Variants in CROCC2 observed in about 807,000 individuals in gnomAD.
CROCC2 encodes ciliary rootlet coiled-coil protein 2.
In CROCC2, 163 loss-of-function variants were observed where a neutral mutation model predicts 177.6. The ratio of observed to expected loss-of-function variants is 0.92; its 90% CI spans 0.81 to 1.05. The LOEUF is 1.05. CROCC2 is among the 50% of genes least tolerant of loss of function. The probability of loss-of-function intolerance (pLI) is 0.00; values close to 1 mark genes in which losing one functional copy is unlikely to be tolerated. For synonymous variants in CROCC2, 904 were observed against 787.3 expected (o/e 1.15, Z -2.48); for missense variants, 1,929 against 1,797.8 (o/e 1.07, Z -1.32).
rs920654176 is a variant in CROCC2, at chr2:240,917,143, G to A, written c.79-1583G>A. The stretch of plus-strand genomic sequence containing the variant: ...CTGAGAGACAGACCCTGGTGCACGG[G>A]CTGTCGGGAGGACGGGCGGGCTGGC... On this transcript the variant is annotated intron_variant, in intron 1 of 31. Coordinates refer to ENST00000690015, the MANE Select transcript of CROCC2 (RefSeq NM_001351305.2). The surrounding 1 kb of genome is among the most constrained non-coding windows in gnomAD (Gnocchi z 4.9). Among the ~76,000 whole-genome samples, 1 of 152,196 alleles carries A rather than the reference G, an allele frequency of 6.6e-6. No individual in the cohort carries two copies. The highest frequency in any genetic ancestry group is 1.5e-5 in the Non-Finnish European group (1 of 68,030).
At chr2:240,971,917 T>G (rs971136524) in intron 27 of CROCC2, among the ~76,000 whole-genome samples, 6 of 152,276 alleles carry the variant, frequency 3.9e-5, no homozygotes. Flanking sequence ...CTGCTGCTCC[T>G]GTCCCCACGG....
At chr2:240,941,419 A>G (rs2059493912) in intron 14 of CROCC2, among the ~76,000 whole-genome samples, 1 of 152,220 alleles carries the variant, frequency 6.6e-6, no homozygotes, top group East Asian at 1.9e-4. Context: ...ACATTACCCA[A>G]CTTCAAACTA....
rs555382429 is a variant in CROCC2 at position 240,941,222 on chromosome 2, C to T, written c.2170-4838C>T. ...TGGAAACACATCCTATGCTCATGGA[C>T]GAGTAGAATCAATATTGTGGAAATG... On this transcript the variant is annotated intron_variant, in intron 14 of 31. Coordinates refer to ENST00000690015, the MANE Select transcript of CROCC2 (RefSeq NM_001351305.2). Among the ~76,000 whole-genome samples, 196 of 152,136 alleles carry T rather than the reference C, an allele frequency of 1.3e-3. 1 individual carries two copies. The highest frequency in any genetic ancestry group is 4.4e-3 in the African/African-American group (182 of 41,524).
At chr2:240,961,723 C>T (rs935924425) in intron 20 of CROCC2, among the ~76,000 whole-genome samples, 6 of 147,396 alleles carry the variant, frequency 4.1e-5, no homozygotes, top group Non-Finnish European at 5.9e-5. Flanking sequence ...TGCACACACA[C>T]GTATGCACAC....
chr2:240,930,982 C>T lies in CROCC2; in HGVS notation c.801C>T (p.His267=), dbSNP rs1396137839. 9 of 715,668 alleles carry T rather than the reference C, an allele frequency of 1.3e-5. No individual in the cohort carries two copies. The highest frequency in any genetic ancestry group is 7.4e-5 in the South Asian group (5 of 67,556). The allele number at this position is 715,668 out of a possible 1,614,324, so 44.3% of individuals were successfully genotyped here. The change falls in exon 7 of 32, where the codon CAC becomes CAT. Residue 267 remains histidine, a synonymous_variant. Transcript: ENST00000690015. ...ADTARTARRL[H]TACLNLDSNL... ...CGGCCAGGACAGCCCGCCGCCTGCA[C>T]ACCGCCTGCCTGAACCTCGACTCCA...
At chr2:240,911,352 A>G (rs896291718) in intron 1 of CROCC2, among the ~76,000 whole-genome samples, 6 of 138,596 alleles carry the variant, frequency 4.3e-5, no homozygotes, top group Non-Finnish European at 7.6e-5. Flanking sequence ...GCTGGAGTGC[A>G]GTGGTGCGAT....
At chr2:240,991,659 GGGCATCCTCCCAGCCTGCCCCCGCCT>G (rs1483951048) in intron 31 of CROCC2, among the ~76,000 whole-genome samples, 4 of 152,112 alleles carry the variant, frequency 2.6e-5, no homozygotes, top group Admixed American at 6.6e-5. Context: ...GCAGGGGCTT[GGGCATCCTCCCAGCCTGCCCCCGCCT>G]GGCACCCTCC....
chr2:240,971,605 G>A (rs920277490), intron 27 of CROCC2, among the ~76,000 whole-genome samples: 4 of 152,126 alleles, frequency 2.6e-5, no homozygotes, highest in Non-Finnish European at 4.4e-5. Flanking sequence ...TCACCAAAAT[G>A]TGGGCGTGTC....
chr2:240,952,903 C>T (rs1054168468), intron 18 of CROCC2, among the ~76,000 whole-genome samples: 2 of 152,012 alleles, frequency 1.3e-5, no homozygotes, highest in African/African-American at 4.8e-5. Flanking sequence ...GTTCAAAGCC[C>T]CTTGGGAGGT....
At chr2:240,983,579 G>A in intron 28 of CROCC2, 1 of 1,281,138 alleles carries the variant, frequency 7.8e-7, no homozygotes, top group Non-Finnish European at 1.0e-6. Flanking sequence ...GCTCGCACAG[G>A]TAGGCGGCAG....
At chr2:240,937,894 G>A (rs182560173) in intron 14 of CROCC2, among the ~76,000 whole-genome samples, 15 of 152,310 alleles carry the variant, frequency 9.8e-5, no homozygotes, top group Non-Finnish European at 1.6e-4. Flanking sequence ...GTTTAAAAGT[G>A]TGTGGCACTT....
chr2:240,951,472 G>A (rs1302394996), intron 18 of CROCC2, among the ~76,000 whole-genome samples: 1 of 151,652 alleles, frequency 6.6e-6, no homozygotes, highest in Non-Finnish European at 1.5e-5. Flanking sequence ...CCACACACTT[G>A]TCATCATCCA....
In CROCC2 at chr2:240,949,961, G is replaced by C. The variant is rs111288128; in HGVS notation, c.2652+259G>C. On this transcript the variant is annotated intron_variant, in intron 17 of 31. Transcript: ENST00000690015. The surrounding 1 kb of genome is among the most constrained non-coding windows in gnomAD (Gnocchi z 4.5). ...AAGAGGCTGGAAGGGCTGCTGGCTG[G>C]TCTGGTGCAGTCTGAAGGATGAGGG... is the stretch of plus-strand genomic sequence containing the variant. 6.6e-5 allele frequency among the ~76,000 whole-genome samples: 10 copies of C among 152,318 alleles called. No homozygotes were observed. Among genetic ancestry groups the C allele is most frequent in the African/African-American group, 2.4e-4 (10 of 41,562 alleles).
chr2:240,971,503 G>A lies in CROCC2; in HGVS notation c.4401+3241G>A, dbSNP rs143650596. On this transcript the variant is annotated intron_variant, in intron 27 of 31. Coordinates refer to ENST00000690015, the MANE Select transcript of CROCC2 (RefSeq NM_001351305.2). The stretch of plus-strand genomic sequence containing the variant: ...TTGAGTTCAGATGGGTTCAAGAAAT[G>A]TGCGGATTCCCTGGGTTCTTTGTGT... Among the ~76,000 whole-genome samples the A allele has an allele frequency of 4.9e-3, 749 of 152,310 alleles. 6 individuals carry two copies. Among genetic ancestry groups the A allele is most frequent in the African/African-American group, 0.016 (663 of 41,552 alleles).
intron 27 of CROCC2, among the ~76,000 whole-genome samples, chr2:240,981,125 C>G (rs2059795758): frequency 7.0e-6 from 1 of 143,632 alleles, no homozygotes; most frequent in African/African-American, 2.7e-5. Flanking sequence ...GCCTCAGGAT[C>G]CCAGGCTCAT....
rs989077705 is a variant in CROCC2, at chr2:240,920,024, G to A, written c.271G>A (p.Glu91Lys). 5.2e-5 allele frequency: 37 copies of A among 716,594 alleles called. No homozygotes were observed. The highest frequency in any genetic ancestry group is 8.1e-5 in the Non-Finnish European group (31 of 384,928). 44.4% of individuals were successfully genotyped at this position (716,594 alleles called of 1,614,324 possible). The change falls in exon 3 of 32, where the codon GAG becomes AAG. Residue 91 changes from glutamate to lysine, a missense_variant. Transcript: ENST00000690015. Reference protein sequence around the residue: ...EPTATVARVQEENELLQEELT... With the variant: ...EPTATVARVQKENELLQEELT... ...GACAGCCACTGTGGCCCGAGTGCAA[G>A]AGGAGAACGAGCTCCTGCAGGAGGA...
At chr2:240,970,812 A>T (rs1422136758) in intron 27 of CROCC2, among the ~76,000 whole-genome samples, 2 of 152,210 alleles carry the variant, frequency 1.3e-5, no homozygotes, top group African/African-American at 2.4e-5. Flanking sequence ...TTTTTGCAAC[A>T]AATTACTGAT....
chr2:240,974,346 A>G (rs988631300), intron 27 of CROCC2, among the ~76,000 whole-genome samples: 1 of 115,486 alleles, frequency 8.7e-6, no homozygotes, highest in South Asian at 2.8e-4. Context: ...TTTTTAGTTT[A>G]CTTTTTTTTT....
rs1254391991 is a variant in CROCC2 at position 240,993,086 on chromosome 2, C to G, written c.*5C>G. The G allele has an allele frequency of 1.7e-5, 12 of 716,924 alleles. No homozygotes were observed. Among genetic ancestry groups the G allele is most frequent in the South Asian group, 1.5e-4 (10 of 67,536 alleles). The allele number at this position is 716,924 out of a possible 1,614,324, so 44.4% of individuals were successfully genotyped here. On this transcript the variant is annotated 3_prime_UTR_variant, in exon 32 of 32. Coordinates refer to ENST00000690015, the MANE Select transcript of CROCC2 (RefSeq NM_001351305.2). ...TGCAGCGCCCAAAGGGACTGAAGCTCCCAGCACAGGGGAGGCGCCCAGCGT... is the reference window on the plus strand; with the variant it reads ...TGCAGCGCCCAAAGGGACTGAAGCTGCCAGCACAGGGGAGGCGCCCAGCGT...
Sources: gnomAD v4.1 joint callset for allele counts (sites outside exome capture counted in the v4.1 genomes callset) on GRCh38, gnomAD v4.1.1 for gene constraint, Gnocchi (gnomAD v3.1) non-coding constraint, MANE v1.5 for transcripts, NCBI Gene and HGNC (gene_info 2026-07-23, HGNC 2026-07-21) for gene names.